Variants in CHD7 observed in about 807,000 individuals in gnomAD.
CHD7 encodes chromodomain helicase DNA binding protein 7.
In CHD7, 24 loss-of-function variants were observed where a neutral mutation model predicts 307.3. That is an observed-to-expected ratio of 0.08 (90% confidence interval 0.06 to 0.11). CHD7 has a LOEUF of 0.11. Ranked by LOEUF, CHD7 falls within the 10% of genes least tolerant of loss-of-function variation. The pLI, the probability that CHD7 is intolerant of heterozygous loss-of-function variation, is 1.00. For missense variants in CHD7, 3,106 were observed against 3,727.1 expected (o/e 0.83, Z 4.34); for synonymous variants, 1,363 against 1,349.9 (o/e 1.01, Z -0.21).
intron 3 of CHD7, among the ~76,000 whole-genome samples, chr8:60,787,039 CT>C (rs562202248): frequency 1.5e-4 from 22 of 151,432 alleles, no homozygotes; most frequent in Non-Finnish European, 1.6e-4. Context: ...AAAGACACTT[CT>C]TTTTTTTTCT....
chr8:60,807,131 A>C (rs951624265), intron 6 of CHD7, among the ~76,000 whole-genome samples: 1 of 152,218 alleles, frequency 6.6e-6, no homozygotes, highest in Non-Finnish European at 1.5e-5. Context: ...GATTGAGGGG[A>C]CTAGTACCTT....
intron 1 of CHD7, among the ~76,000 whole-genome samples, chr8:60,712,990 C>G (rs1404485473): frequency 2.1e-5 from 3 of 144,546 alleles, no homozygotes; most frequent in African/African-American, 7.7e-5. Flanking sequence ...GGGGGAGTTA[C>G]GCTGAGCCGA....
rs1394238597 is a variant in CHD7, at chr8:60,737,778, C to T, written c.-174-3481C>T. On this transcript the variant is annotated intron_variant, in intron 1 of 37. Coordinates refer to ENST00000423902, the MANE Select transcript of CHD7 (RefSeq NM_017780.4). ...TAGACTATTCCTCATCAGAAGTTAC[C>T]GAGGAGTATTTTGTAAAATGGCAAC... 3.3e-5 allele frequency among the ~76,000 whole-genome samples: 5 copies of T among 152,140 alleles called. No individual in the cohort carries two copies. The East Asian group carries it at 7.7e-4, about 23-fold the overall frequency.
Position 60,800,438 on chromosome 8 carries a change from G to A in CHD7, c.2289G>A (p.Leu763=), listed in dbSNP as rs1466192429. 3.1e-6 allele frequency: 5 copies of A among 1,613,798 alleles called. No individual in the cohort carries two copies. Among genetic ancestry groups the A allele is most frequent in the Non-Finnish European group, 2.5e-6 (3 of 1,179,826 alleles). ...AGAGAAAGCGCTACACTGAAGACCT[G>A]GAGTTCAAGATTTCTGATGAGGAGG... The part of the protein sequence containing the change: ...QVKRKRYTED[L]EFKISDEEAD... The change falls in exon 5 of 38, where the codon CTG becomes CTA. Residue 763 remains leucine (L), a synonymous_variant. Coordinates refer to ENST00000423902, the MANE Select transcript of CHD7 (RefSeq NM_017780.4).
chr8:60,737,147 T>C (rs1444360563), intron 1 of CHD7, among the ~76,000 whole-genome samples: 2 of 152,214 alleles, frequency 1.3e-5, no homozygotes, highest in Non-Finnish European at 2.9e-5. Context: ...TGCTTGGATC[T>C]GCCCGTTTTT....
chr8:60,852,901 A>G lies in CHD7; in HGVS notation c.6176A>G (p.Glu2059Gly). 1 of 1,613,962 alleles carries G rather than the reference A, an allele frequency of 6.2e-7. No homozygotes were observed. The highest frequency in any genetic ancestry group is 8.5e-7 in the Non-Finnish European group (1 of 1,179,884). The change falls in exon 31 of 38, where the codon GAG (glutamate) becomes GGG (glycine). Residue 2059 changes from glutamate (E) to glycine (G), a missense_variant. Physicochemically the swap from Glu to Gly is moderately conservative, Grantham distance 98. Coordinates refer to ENST00000423902, the MANE Select transcript of CHD7 (RefSeq NM_017780.4). ...GCCTCTCGAACTCTGTACCGCATTG[A>G]GCTGCTACGGAAGATCCGCGAGCAG... ...ERASRTLYRI[E>G]LLRKIREQVL...
chr8:60,741,714 T>G lies in CHD7; in HGVS notation c.282T>G (p.Pro94=). The change falls in exon 2 of 38, where the codon CCT becomes CCG. Residue 94 remains proline (P), a synonymous_variant. Transcript: ENST00000423902. ...DQPNRMMSNT[P]GNGLASPHSQ... The stretch of plus-strand genomic sequence containing the variant: ...CGAACAGAATGATGAGCAACACCCC[T>G]GGGAACGGACTCGCGTCTCCGCACT... 6.2e-7 allele frequency: 1 copy of G among 1,613,968 alleles called. No homozygotes were observed. Among genetic ancestry groups the G allele is most frequent in the East Asian group, 2.2e-5 (1 of 44,878 alleles).
At chr8:60,686,942 CA>C (rs1372493964) in intron 1 of CHD7, among the ~76,000 whole-genome samples, 1 of 152,124 alleles carries the variant, frequency 6.6e-6, no homozygotes, top group Non-Finnish European at 1.5e-5. Flanking sequence ...ATTTGTTATC[CA>C]TTTTTGTTTT....
chr8:60,754,989 G>C (rs542974300), intron 2 of CHD7, among the ~76,000 whole-genome samples: 7 of 152,272 alleles, frequency 4.6e-5, no homozygotes, highest in Non-Finnish European at 1.0e-4. Flanking sequence ...ATCTTACCAT[G>C]TTTTCATGGT....
intron 13 of CHD7, among the ~76,000 whole-genome samples, chr8:60,826,902 G>A (rs1342551033): frequency 2.6e-5 from 4 of 152,198 alleles, no homozygotes; most frequent in South Asian, 2.1e-4. Context: ...GAATGGTAAC[G>A]TTGTCAAGGC....
chr8:60,732,560 C>G (rs368631117), intron 1 of CHD7, among the ~76,000 whole-genome samples: 1 of 152,176 alleles, frequency 6.6e-6, no homozygotes, highest in African/African-American at 2.4e-5. Context: ...CCTGGAGCTT[C>G]TGTGTGTCAA....
chr8:60,866,901 A>T lies in CHD7; in HGVS notation c.*968A>T, dbSNP rs1806260728. The T allele has an allele frequency of 6.6e-6, 1 of 152,626 alleles. No individual in the cohort carries two copies. The highest frequency in any genetic ancestry group is 6.5e-5 in the Admixed American group (1 of 15,284). The allele number at this position is 152,626 out of a possible 1,614,324, so 9.5% of individuals were successfully genotyped here. ...TAAAAGTGACCCATGATATGCAGAG[A>T]TGTAATTATAGAATGTAGTATATAG... On this transcript the variant is annotated 3_prime_UTR_variant, in exon 38 of 38. Coordinates refer to ENST00000423902, the MANE Select transcript of CHD7 (RefSeq NM_017780.4).
chr8:60,714,534 C>A (rs777435193), intron 1 of CHD7, among the ~76,000 whole-genome samples: 1 of 152,110 alleles, frequency 6.6e-6, no homozygotes, highest in Non-Finnish European at 1.5e-5. Context: ...TCATCTCCAG[C>A]GCTGGCACCT....
chr8:60,743,899 C>G (rs1039766711), intron 2 of CHD7, among the ~76,000 whole-genome samples: 3 of 152,194 alleles, frequency 2.0e-5, no homozygotes, highest in African/African-American at 7.2e-5. Flanking sequence ...TACTGATTAT[C>G]TACCAGAATT....
intron 30 of CHD7, 31 bp downstream of exon 30, chr8:60,852,737 A>G (rs1483942349): frequency 6.2e-7 from 1 of 1,612,170 alleles, no homozygotes; most frequent in East Asian, 2.2e-5. Context: ...AGTTCTATAC[A>G]AAAAGACGAG....
chr8:60,815,562 G>A (rs1453454774), intron 7 of CHD7, among the ~76,000 whole-genome samples: 1 of 152,134 alleles, frequency 6.6e-6, no homozygotes, highest in African/African-American at 2.4e-5. Context: ...GAGAAGAAAA[G>A]GGAAGTGCAT....
Position 60,836,835 on chromosome 8 carries a change from C to T in CHD7, c.4008C>T (p.Ile1336=), listed in dbSNP as rs370471177. Residue 1336 remains isoleucine (I), a synonymous_variant, in exon 17 of 38, where the codon ATC becomes ATT. Coordinates refer to ENST00000423902, the MANE Select transcript of CHD7 (RefSeq NM_017780.4). The part of the protein sequence containing the change: ...LIQRRYPYER[I]DGRVRGNLRQ... ...TTTCTAGGTACCCATATGAAAGGAT[C>T]GACGGCCGAGTAAGAGGCAACCTCC... 169 of 1,613,718 alleles carry T rather than the reference C, an allele frequency of 1.0e-4. No homozygotes were observed. Among genetic ancestry groups the T allele is most frequent in the Non-Finnish European group, 1.3e-4 (155 of 1,179,722 alleles).
chr8:60,823,559 G>A (rs945174314), intron 12 of CHD7, among the ~76,000 whole-genome samples: 4 of 152,114 alleles, frequency 2.6e-5, no homozygotes, highest in East Asian at 1.9e-4. Flanking sequence ...TCTGTCCTAC[G>A]TGAATGTGTG....
At chr8:60,728,963 T>A (rs568693303) in intron 1 of CHD7, among the ~76,000 whole-genome samples, 132 of 152,058 alleles carry the variant, frequency 8.7e-4, no homozygotes, top group Non-Finnish European at 1.6e-3. Context: ...TTCCTCTCCC[T>A]CCTCCCACCC....
Sources: gnomAD v4.1 joint callset for allele counts (sites outside exome capture counted in the v4.1 genomes callset) on GRCh38, gnomAD v4.1.1 for gene constraint, MANE v1.5 for transcripts, NCBI Gene and HGNC (gene_info 2026-07-23, HGNC 2026-07-21) for gene names.